Variants in IHO1 observed in about 807,000 individuals in gnomAD.
IHO1 encodes the protein interactor of HORMAD1 protein 1.
Under a neutral mutation model 31.0 loss-of-function variants are expected in IHO1, and 13 were observed. The observed-to-expected ratio is 0.42, with a 90% CI of 0.27 to 0.67. The LOEUF is 0.67. IHO1 is among the 30% of genes least tolerant of loss of function. IHO1 has a pLI of 0.24. For synonymous variants in IHO1, 221 were observed against 248.4 expected, an observed-to-expected ratio of 0.89 and a Z score of 1.04; for missense variants, 599 against 687.5, an observed-to-expected ratio of 0.87 and a Z score of 1.44.
At chr3:49,201,343 C>T (rs1277487068) in intron 1 of IHO1, among the ~76,000 whole-genome samples, 2 of 151,766 alleles carry the variant, frequency 1.3e-5, no homozygotes, top group Non-Finnish European at 2.9e-5. Flanking sequence ...CGCGGTGGCT[C>T]ATGCCTATAA....
chr3:49,244,433 T>C lies in IHO1; in HGVS notation c.425T>C (p.Val142Ala), dbSNP rs200237915. The C allele has an allele frequency of 3.2e-6, 5 of 1,561,362 alleles. No homozygotes were observed. The East Asian group carries it at 1.1e-4, about 35-fold the overall frequency. The change falls in exon 5 of 8, where the codon GTT (valine) becomes GCT (alanine). Residue 142 changes from valine (V) to alanine (A), a missense_variant. Transcript: ENST00000452691. ...ACTCTATACAACTTTGTTTCTAATG[T>C]TAGAGAAAGCATTCTCAGGGTAAGT... is the stretch of plus-strand genomic sequence containing the variant. ...SETLYNFVSN[V>A]RESILRLQTS... is the part of the protein sequence containing the mutation.
chr3:49,247,718 C>T (rs1196927372), intron 6 of IHO1, among the ~76,000 whole-genome samples: 1 of 151,578 alleles, frequency 6.6e-6, no homozygotes, highest in African/African-American at 2.4e-5. Context: ...GAGTCTGGGA[C>T]GTCGAAGCTG....
upstream of IHO1, among the ~76,000 whole-genome samples, chr3:49,193,927 A>T (rs907317182): frequency 2.0e-5 from 3 of 148,622 alleles, no homozygotes; most frequent in African/African-American, 7.5e-5. Context: ...GTGCCACTGT[A>T]CTCCAGCCTG....
chr3:49,205,082 G>A (rs548054514), intron 1 of IHO1, among the ~76,000 whole-genome samples: 3 of 151,934 alleles, frequency 2.0e-5, no homozygotes, highest in East Asian at 1.9e-4. Flanking sequence ...TCCCAAAAGC[G>A]GCTGGTTGGC....
intron 3 of IHO1, among the ~76,000 whole-genome samples, chr3:49,237,401 T>TA (rs975749993): frequency 1.3e-5 from 2 of 152,148 alleles, no homozygotes; most frequent in Non-Finnish European, 2.9e-5. Context: ...TTTCTAGCCT[T>TA]AAAAAAATTA....
At chr3:49,211,006 G>GTTT (rs59697636) in intron 1 of IHO1, among the ~76,000 whole-genome samples, 7 of 116,708 alleles carry the variant, frequency 6.0e-5, no homozygotes, top group South Asian at 2.8e-4. Flanking sequence ...TCTCCATTTA[G>GTTT]TTTTTTTTTT....
At chr3:49,210,301 A>G (rs144736885) in intron 1 of IHO1, among the ~76,000 whole-genome samples, 39 of 152,048 alleles carry the variant, frequency 2.6e-4, no homozygotes, top group African/African-American at 8.9e-4. Flanking sequence ...TAGTGGCACA[A>G]TCTTAGCTCA....
At chr3:49,246,803 G>A (rs1411228427) in intron 6 of IHO1, among the ~76,000 whole-genome samples, 1 of 152,040 alleles carries the variant, frequency 6.6e-6, no homozygotes, top group East Asian at 1.9e-4. Context: ...ATCTGGCTTA[G>A]AGTAGGCAAA....
intron 2 of IHO1, among the ~76,000 whole-genome samples, chr3:49,223,261 T>A (rs1290705004): frequency 2.0e-5 from 3 of 152,160 alleles, no homozygotes; most frequent in Admixed American, 2.0e-4. Flanking sequence ...GAGTTTCTTG[T>A]GTTAGTTTCC....
intron 2 of IHO1, among the ~76,000 whole-genome samples, chr3:49,214,634 T>TATATATATA (rs2046266004): frequency 5.6e-5 from 1 of 17,778 alleles, no homozygotes; most frequent in African/African-American, 1.6e-4. Context: ...ATATATATAT[T>TATATATATA]TTTTTTTTTT....
In IHO1 at chr3:49,244,411, C is replaced by T. The variant is rs376812919; in HGVS notation, c.403C>T (p.Leu135=). ...TTTTCCCTCCTATTCTAGTGAGACT[C>T]TATACAACTTTGTTTCTAATGTTAG... ...RAKDKCDSET[L]YNFVSNVRES... Residue 135 remains leucine (L), a synonymous_variant, in exon 5 of 8, where the codon CTA becomes TTA. Coordinates refer to ENST00000452691, the MANE Select transcript of IHO1 (RefSeq NM_001135197.2). 7 of 1,551,150 alleles carry T rather than the reference C, an allele frequency of 4.5e-6. No individual in the cohort carries two copies. The highest frequency in any genetic ancestry group is 2.2e-5 in the East Asian group (1 of 44,452).
intron 2 of IHO1, among the ~76,000 whole-genome samples, chr3:49,212,309 C>T (rs144000237): frequency 2.6e-4 from 39 of 151,006 alleles, no homozygotes; most frequent in East Asian, 9.8e-4. Flanking sequence ...CAGGAGTTCA[C>T]GACTAGCTTG....
chr3:49,196,600 A>G (rs2045997948), upstream of IHO1, among the ~76,000 whole-genome samples: 1 of 151,802 alleles, frequency 6.6e-6, no homozygotes, highest in Non-Finnish European at 1.5e-5. Flanking sequence ...CTTGTGGCTT[A>G]GCCTCCCCAG....
chr3:49,195,169 C>A (rs1457193572), upstream of IHO1, among the ~76,000 whole-genome samples: 2 of 152,166 alleles, frequency 1.3e-5, no homozygotes, highest in East Asian at 3.8e-4. Context: ...CCTGTAATCC[C>A]AGCACTTTGG....
At chr3:49,192,900 AAATG>A in the IHO1 span, among the ~76,000 whole-genome samples, 2 of 152,052 alleles carry the variant, frequency 1.3e-5, no homozygotes, top group Non-Finnish European at 2.9e-5. Context: ...CCATCTCAAT[AAATG>A]AATGAATGAA....
At chr3:49,236,422 G>A in intron 2 of IHO1, 126 bp from the exon 3 acceptor site, 1 of 639,626 alleles carries the variant, frequency 1.6e-6, no homozygotes. Context: ...CAATATACAG[G>A]GGACTTGAAG....
At position 49,221,334 on chromosome 3, in the gene IHO1, C is replaced by T. The variant is rs916273724; in HGVS notation, c.56+9498C>T. Among the ~76,000 whole-genome samples the T allele has an allele frequency of 3.3e-4, 50 of 152,124 alleles. 1 individual carries two copies. The highest frequency in any genetic ancestry group is 3.1e-3 in the Admixed American group (47 of 15,276). Reference sequence around the variant, plus strand: ...GAGTGCTGATTAGTGCGTTTACAATCCTTTAGCTATACACATAGTGCTGAT... The same window carrying T: ...GAGTGCTGATTAGTGCGTTTACAATTCTTTAGCTATACACATAGTGCTGAT... On this transcript the variant is annotated intron_variant, in intron 2 of 7. Coordinates refer to ENST00000452691, the MANE Select transcript of IHO1 (RefSeq NM_001135197.2).
intron 2 of IHO1, among the ~76,000 whole-genome samples, chr3:49,224,895 T>G (rs964954530): frequency 4.6e-5 from 7 of 152,220 alleles, no homozygotes; most frequent in African/African-American, 1.4e-4. Flanking sequence ...GAGTAGCACC[T>G]GGTATCTAAG....
rs546484365 is a variant in IHO1, at chr3:49,209,459, C to T, written c.-15-2307C>T. 4.7e-3 allele frequency among the ~76,000 whole-genome samples: 714 copies of T among 151,688 alleles called. 2 individuals carry two copies. Among genetic ancestry groups the T allele is most frequent in the Non-Finnish European group, 6.7e-3 (452 of 67,912 alleles). On this transcript the variant is annotated intron_variant, in intron 1 of 7. Coordinates refer to ENST00000452691, the MANE Select transcript of IHO1 (RefSeq NM_001135197.2). ...GCCCAACCTGGTCAACATGGTGAGA[C>T]CCTGTCTCTACTTAAAAAAAAAAAA...
Sources: gnomAD v4.1 joint callset for allele counts (sites outside exome capture counted in the v4.1 genomes callset) on GRCh38, gnomAD v4.1.1 for gene constraint, MANE v1.5 for transcripts, NCBI Gene and HGNC (gene_info 2026-07-23, HGNC 2026-07-21) for gene names.